Variants in DTNA observed in about 807,000 individuals in gnomAD.
DTNA encodes dystrobrevin alpha, also known as dystrophin-related protein 3.
A neutral mutation model predicts 100.7 loss-of-function variants in DTNA; 43 were observed. That is an observed-to-expected ratio of 0.43 (90% CI 0.33 to 0.55). The LOEUF is 0.55. Ranked by LOEUF, DTNA falls within the 20% of genes least tolerant of loss-of-function variation. The pLI, the probability that DTNA is intolerant of heterozygous loss-of-function variation, is 0.04. For missense variants in DTNA, 798 were observed against 953.9 expected (o/e 0.84, Z 2.15); for synonymous variants, 349 against 347.9 (o/e 1.00, Z -0.04).
chr18:34,649,760 CTGTTT>C (rs2060241878), intron 1 of DTNA, among the ~76,000 whole-genome samples: 1 of 152,062 alleles, frequency 6.6e-6, no homozygotes, highest in Non-Finnish European at 1.5e-5. Flanking sequence ...TACCTACATT[CTGTTT>C]TAAGATTTTT....
intron 1 of DTNA, among the ~76,000 whole-genome samples, chr18:34,615,528 T>C (rs2579810): frequency 0.21 from 32,380 of 152,070 alleles, 4,020 homozygotes; most frequent in African/African-American, 0.33. Flanking sequence ...AGGAAAGGCT[T>C]AGATGATTGT....
At chr18:34,681,538 T>C (rs565344702) in intron 1 of DTNA, among the ~76,000 whole-genome samples, 8 of 152,166 alleles carry the variant, frequency 5.3e-5, no homozygotes, top group Non-Finnish European at 8.8e-5. Context: ...TCATGGCTTA[T>C]GTGACAATTA....
chr18:34,659,679 A>G (rs1332743280), intron 1 of DTNA, among the ~76,000 whole-genome samples: 5 of 152,076 alleles, frequency 3.3e-5, no homozygotes, highest in Middle Eastern at 3.2e-3. Context: ...CTGGGTTTTA[A>G]CAACCTATTC....
intron 1 of DTNA, among the ~76,000 whole-genome samples, chr18:34,523,407 T>A (rs1255064157): frequency 6.6e-6 from 1 of 152,162 alleles, no homozygotes; most frequent in African/African-American, 2.4e-5. Context: ...ATCACCTGTG[T>A]AGTGTTCCAT....
At chr18:34,790,342 AGGGGT>A (rs2094668823) in intron 3 of DTNA, among the ~76,000 whole-genome samples, 2 of 148,894 alleles carry the variant, frequency 1.3e-5, no homozygotes, top group African/African-American at 5.0e-5. Flanking sequence ...GGTGCATGCA[AGGGGT>A]ATAAAACCCG....
chr18:34,825,220 A>G (rs569917867), intron 9 of DTNA: 2 of 1,612,460 alleles, frequency 1.2e-6, no homozygotes, highest in African/African-American at 2.7e-5. Flanking sequence ...TGTAAATATT[A>G]CCATGATTAA....
Position 34,732,348 on chromosome 18 carries a change from T to G in DTNA, c.-2+21903T>G, listed in dbSNP as rs116576843. Reference sequence around the variant, plus strand: ...AGCTTGTAAATTAACTCTAGGAATATAACTCATTCTTATACAGCAGAGTCA... The same window carrying G: ...AGCTTGTAAATTAACTCTAGGAATAGAACTCATTCTTATACAGCAGAGTCA... On this transcript the variant is annotated intron_variant, in intron 1 of 22. Coordinates refer to ENST00000444659, the MANE Select transcript of DTNA (RefSeq NM_001386795.1). 2.1e-3 allele frequency among the ~76,000 whole-genome samples: 316 copies of G among 152,352 alleles called. 2 individuals carry two copies. The highest frequency in any genetic ancestry group is 7.3e-3 in the African/African-American group (304 of 41,580).
At chr18:34,805,530 G>T (rs2095338550) in intron 4 of DTNA, among the ~76,000 whole-genome samples, 1 of 152,006 alleles carries the variant, frequency 6.6e-6, no homozygotes, top group Non-Finnish European at 1.5e-5. Flanking sequence ...TCACCATGTT[G>T]GCCAGGCTGG....
intron 1 of DTNA, among the ~76,000 whole-genome samples, chr18:34,655,029 A>AT (rs759178074): frequency 9.8e-4 from 149 of 152,140 alleles, no homozygotes; most frequent in Non-Finnish European, 2.0e-3. Context: ...GCCCGGCCTA[A>AT]TTTTTTTAAT....
At chr18:34,607,995 G>C (rs1045092815) in intron 1 of DTNA, among the ~76,000 whole-genome samples, 2 of 152,148 alleles carry the variant, frequency 1.3e-5, no homozygotes, top group Non-Finnish European at 2.9e-5. Flanking sequence ...GAAGTGGCAA[G>C]GATTCCAAAT....
At chr18:34,618,288 G>A (rs1462854008) in intron 1 of DTNA, among the ~76,000 whole-genome samples, 1 of 152,076 alleles carries the variant, frequency 6.6e-6, no homozygotes, top group Non-Finnish European at 1.5e-5. Flanking sequence ...CTCATTTTAT[G>A]GGGTTCATTC....
chr18:34,888,074 A>T lies in DTNA; in HGVS notation c.*340A>T. The T allele has an allele frequency of 1.0e-6, 1 of 985,906 alleles. No homozygotes were observed. Among genetic ancestry groups the T allele is most frequent in the South Asian group, 4.7e-5 (1 of 21,290 alleles). The allele number at this position is 985,906 out of a possible 1,614,324, so 61.1% of individuals were successfully genotyped here. A position where few individuals can be genotyped will look rare whatever the true frequency, so the allele number is the denominator to read the frequency against. On this transcript the variant is annotated 3_prime_UTR_variant, in exon 23 of 23. Transcript: ENST00000444659. ...GTAACGTGGTTCATCCCTGGTTAAA[A>T]AGCAAACAAACACAGGCTGAAAACC...
rs997255255 is a variant in DTNA, at chr18:34,891,652, A to G, written c.*3918A>G. The G allele has an allele frequency of 1.3e-5, 2 of 152,182 alleles. No individual in the cohort carries two copies. Among genetic ancestry groups the G allele is most frequent in the Admixed American group, 6.5e-5 (1 of 15,280 alleles). The allele number at this position is 152,182 out of a possible 1,614,324, so 9.4% of individuals were successfully genotyped here. A position where few individuals can be genotyped will look rare whatever the true frequency, so the allele number is the denominator to read the frequency against. On this transcript the variant is annotated 3_prime_UTR_variant, in exon 23 of 23. Transcript: ENST00000444659. The stretch of plus-strand genomic sequence containing the variant: ...TATTCTGCTATTTATGGAAATCCTT[A>G]TTATAATTGATATGGAAGTGAGTTT...
At chr18:34,790,024 T>C (rs902828552) in intron 3 of DTNA, among the ~76,000 whole-genome samples, 1 of 152,208 alleles carries the variant, frequency 6.6e-6, no homozygotes, top group Non-Finnish European at 1.5e-5. Flanking sequence ...TTCAAACCAG[T>C]GTCTCTGTGA....
chr18:34,777,842 C>A (rs1012109882), intron 3 of DTNA, among the ~76,000 whole-genome samples: 6 of 152,216 alleles, frequency 3.9e-5, no homozygotes, highest in African/African-American at 1.4e-4. Flanking sequence ...GTGGGCATTA[C>A]AATTCACGAT....
At chr18:34,514,459 C>G (rs1278463246) in intron 1 of DTNA, among the ~76,000 whole-genome samples, 2 of 152,056 alleles carry the variant, frequency 1.3e-5, no homozygotes, top group African/African-American at 4.8e-5. Flanking sequence ...ATCGATATGA[C>G]ACATAAGGCT....
In DTNA at chr18:34,882,122, A is replaced by G; in HGVS notation, c.2216A>G (p.Asn739Ser). Residue 739 changes from asparagine to serine, a missense_variant, in exon 21 of 23, where the codon AAT becomes AGT. Physicochemically the swap from Asn to Ser is conservative, Grantham distance 46 (BLOSUM62 1). Transcript: ENST00000444659. Reference sequence around the variant, plus strand: ...CAGCCTGAAGATGAAAACTATGAAAATGACTCTGTCCGGCAGCTGGAGAAT... The same window carrying G: ...CAGCCTGAAGATGAAAACTATGAAAGTGACTCTGTCCGGCAGCTGGAGAAT... The part of the protein sequence containing the change: ...YVQPEDENYE[N>S]DSVRQLENEL... The G allele has an allele frequency of 1.2e-6, 2 of 1,614,126 alleles. No homozygotes were observed. Among genetic ancestry groups the G allele is most frequent in the Admixed American group, 3.3e-5 (2 of 60,010 alleles).
intron 1 of DTNA, among the ~76,000 whole-genome samples, chr18:34,569,672 A>T (rs1191418599): frequency 6.6e-6 from 1 of 152,148 alleles, no homozygotes; most frequent in Non-Finnish European, 1.5e-5. Context: ...AAATCTACAG[A>T]GTGGGACAGC....
At chr18:34,542,977 C>CAAGAAGCTGCAGAAG in intron 1 of DTNA, among the ~76,000 whole-genome samples, 1 of 152,072 alleles carries the variant, frequency 6.6e-6, no homozygotes, top group Admixed American at 6.6e-5. Context: ...AGCTGCAGAC[C>CAAGAAGCTGCAGAAG]TGAGTTAGAG....
Sources: gnomAD v4.1 joint callset for allele counts (sites outside exome capture counted in the v4.1 genomes callset) on GRCh38, gnomAD v4.1.1 for gene constraint, MANE v1.5 for transcripts, NCBI Gene and HGNC (gene_info 2026-07-23, HGNC 2026-07-21) for gene names.